Variants in USP32 observed in about 807,000 individuals in gnomAD.
The protein encoded by USP32 is ubiquitin specific peptidase 32.
Under a neutral mutation model 204.8 loss-of-function variants are expected in USP32, and 59 were observed. The observed-to-expected ratio is 0.29, with a 90% CI of 0.23 to 0.36. USP32 has a LOEUF of 0.36. Among genes scored for constraint, USP32 ranks in the 10% least tolerant of loss-of-function variants. The probability of loss-of-function intolerance (pLI) is 1.00; values close to 1 mark genes in which losing one functional copy is unlikely to be tolerated. For missense variants in USP32, 1,160 were observed against 1,946.4 expected (o/e 0.60, Z 7.60); for synonymous variants, 517 against 678.4 (o/e 0.76, Z 3.70).
In USP32 at chr17:60,347,755, C is replaced by T. The variant is rs185995324; in HGVS notation, c.59-2147G>A. ...TGCCCACCTTGACTGGGATTACAGGCTTGAGCCACCGCACACAGCCAGTAC... is the reference window on the plus strand; with the variant it reads ...TGCCCACCTTGACTGGGATTACAGGTTTGAGCCACCGCACACAGCCAGTAC... On this transcript the variant is annotated intron_variant, in intron 1 of 33. Coordinates refer to ENST00000300896, the MANE Select transcript of USP32 (RefSeq NM_032582.4). Among the ~76,000 whole-genome samples the T allele has an allele frequency of 1.7e-4, 26 of 152,114 alleles. 1 individual carries two copies. In the East Asian group the frequency reaches 4.5e-3, roughly 26 times the overall value.
chr17:60,264,717 C>T (rs1401415186), intron 9 of USP32, among the ~76,000 whole-genome samples: 2 of 151,134 alleles, frequency 1.3e-5, no homozygotes. Flanking sequence ...AAAAATCAGC[C>T]GGCATGGTGG....
intron 1 of USP32, among the ~76,000 whole-genome samples, chr17:60,413,286 A>G (rs2090032860): frequency 6.6e-6 from 1 of 152,142 alleles, no homozygotes; most frequent in Non-Finnish European, 1.5e-5. Flanking sequence ...AGCAAAAAGA[A>G]TGCTGATGTC....
chr17:60,199,607 G>A (rs28538284), intron 26 of USP32, among the ~76,000 whole-genome samples: 3,087 of 152,242 alleles, frequency 0.02, 97 homozygotes, highest in African/African-American at 0.07. Context: ...GGTTAAGTTA[G>A]CTAGTTTCTA....
chr17:60,282,839 T>C (rs1295480941), intron 5 of USP32, among the ~76,000 whole-genome samples: 1 of 152,144 alleles, frequency 6.6e-6, no homozygotes. Context: ...AATGTACACT[T>C]TAAGAGGCTG....
intron 2 of USP32, among the ~76,000 whole-genome samples, chr17:60,319,400 A>C (rs2145936118): frequency 6.6e-6 from 1 of 152,164 alleles, no homozygotes; most frequent in African/African-American, 2.4e-5. Context: ...CCACAACAAA[A>C]ATTTTAAAAC....
intron 27 of USP32, among the ~76,000 whole-genome samples, chr17:60,193,826 G>A (rs1248565855): frequency 2.0e-5 from 3 of 152,160 alleles, no homozygotes; most frequent in South Asian, 4.1e-4. Context: ...TGCATAACTC[G>A]TCCAGTGAAT....
At chr17:60,196,957 G>A (rs1197116178) in intron 27 of USP32, among the ~76,000 whole-genome samples, 2 of 151,852 alleles carry the variant, frequency 1.3e-5, no homozygotes, top group African/African-American at 2.4e-5. Context: ...GAGGTAGGTG[G>A]ATTACTTGAG....
chr17:60,187,656 AACACAGGCT>A (rs2084282927), intron 29 of USP32, among the ~76,000 whole-genome samples: 1 of 152,250 alleles, frequency 6.6e-6, no homozygotes. Flanking sequence ...TTTTCTGTGG[AACACAGGCT>A]ACAGTGCTAG....
At chr17:60,233,538 T>A (rs1476401897) in intron 12 of USP32, among the ~76,000 whole-genome samples, 1 of 152,134 alleles carries the variant, frequency 6.6e-6, no homozygotes, top group East Asian at 1.9e-4. Flanking sequence ...ATGAGGGCGA[T>A]TATTATTATT....
chr17:60,252,523 G>A, intron 10 of USP32, 81 bp from the exon 11 acceptor site: 1 of 1,059,696 alleles, frequency 9.4e-7, no homozygotes. Context: ...TTCCTAAATT[G>A]GAATCTGAAT....
chr17:60,393,741 A>G (rs2089875658), upstream of USP32, among the ~76,000 whole-genome samples: 1 of 151,352 alleles, frequency 6.6e-6, no homozygotes, highest in Non-Finnish European at 1.5e-5. Flanking sequence ...CTGGAGTGCA[A>G]TGGCGCGATC....
chr17:60,274,659 C>T (rs903154199), intron 5 of USP32, among the ~76,000 whole-genome samples: 4 of 151,702 alleles, frequency 2.6e-5, no homozygotes, highest in South Asian at 2.1e-4. Context: ...TTCTGTATCA[C>T]GTGAAAATAT....
In USP32 at chr17:60,181,516, C is replaced by T. The variant is rs2084111680; in HGVS notation, c.4356G>A (p.Gly1452=). ...ADALSRGHVL[G]GSQPELVTPQ... The stretch of plus-strand genomic sequence containing the variant: ...GAGTGACCAACTCTGGTTGGCTGCC[C>T]CCCAGCACATGCCCTCGACTCAAGG... The change falls in exon 32 of 34, where the codon GGG becomes GGA. Residue 1452 remains glycine (G), a synonymous_variant. Coordinates refer to ENST00000300896, the MANE Select transcript of USP32 (RefSeq NM_032582.4). 8.7e-6 allele frequency: 14 copies of T among 1,613,984 alleles called. No homozygotes were observed. The highest frequency in any genetic ancestry group is 1.2e-5 in the Non-Finnish European group (14 of 1,179,876).
intron 11 of USP32, among the ~76,000 whole-genome samples, chr17:60,247,345 AGTTT>A (rs1182561486): frequency 1.3e-5 from 2 of 151,570 alleles, no homozygotes; most frequent in African/African-American, 4.9e-5. Context: ...ATACCCAACT[AGTTT>A]TTGTACTTTG....
intron 7 of USP32, among the ~76,000 whole-genome samples, chr17:60,268,607 A>AT (rs1338987702): frequency 1.4e-5 from 2 of 146,912 alleles, no homozygotes; most frequent in African/African-American, 5.0e-5. Context: ...AAAAAAAAAG[A>AT]TTTTAGCTTC....
At position 60,271,471 on chromosome 17, in the gene USP32, T is replaced by C. The variant is rs2086722871; in HGVS notation, c.582A>G (p.Ser194=). 1.9e-6 allele frequency: 3 copies of C among 1,613,848 alleles called. No individual in the cohort carries two copies. The highest frequency in any genetic ancestry group is 1.7e-5 in the Admixed American group (1 of 60,004). Residue 194 remains serine (S), a synonymous_variant, in exon 6 of 34, where the codon TCA becomes TCG. Transcript: ENST00000300896. ...AGCGTTTCTCAAGATCAATGATGTC[T>C]GATTCCTCCACTAAGGGTCAAATCA... is the stretch of plus-strand genomic sequence containing the variant. ...TLAGVTHLEE[S]DIIDLEKRYW... is the part of the protein sequence containing the mutation.
At chr17:60,349,629 T>A (rs1277684968) in intron 1 of USP32, among the ~76,000 whole-genome samples, 2 of 97,770 alleles carry the variant, frequency 2.0e-5, no homozygotes, top group Non-Finnish European at 3.6e-5. Context: ...ATATATTATA[T>A]ATATATATAT....
chr17:60,262,200 T>C (rs2086470530), intron 9 of USP32, among the ~76,000 whole-genome samples: 1 of 152,198 alleles, frequency 6.6e-6, no homozygotes, highest in African/African-American at 2.4e-5. Flanking sequence ...TGTATGTATT[T>C]ATTTATTTGA....
chr17:60,214,481 C>G, intron 17 of USP32, 139 bp downstream of exon 17: 2 of 746,424 alleles, frequency 2.7e-6, no homozygotes, highest in South Asian at 2.0e-5. Flanking sequence ...TGATTTAACA[C>G]TTAATTAGCC....
Sources: allele counts gnomAD v4.1 joint callset (sites outside exome capture counted in the v4.1 genomes callset), GRCh38; gene constraint gnomAD v4.1.1; transcripts MANE v1.5; gene names NCBI Gene and HGNC (gene_info 2026-07-23, HGNC 2026-07-21).